NAA15: variants seen among roughly 807,000 people sequenced by gnomAD.
The protein encoded by NAA15 is N-alpha-acetyltransferase 15, NatA auxiliary subunit.
A neutral mutation model predicts 114.0 loss-of-function variants in NAA15; 34 were observed. The ratio of observed to expected loss-of-function variants is 0.30; its 90% CI spans 0.23 to 0.40. The LOEUF is 0.40. NAA15 is among the 10% of genes least tolerant of loss of function. The probability of loss-of-function intolerance (pLI) is 1.00; values close to 1 mark genes in which losing one functional copy is unlikely to be tolerated. For synonymous variants in NAA15, 340 were observed against 338.0 expected (o/e 1.01, Z -0.06); for missense variants, 658 against 1,004.5 (o/e 0.66, Z 4.66).
At chr4:139,379,756 C>G (rs1195766089) in intron 17 of NAA15, among the ~76,000 whole-genome samples, 1 of 152,162 alleles carries the variant, frequency 6.6e-6, no homozygotes, top group East Asian at 1.9e-4. Context: ...TTGAGAACAT[C>G]ATTTTGGCTG....
intron 14 of NAA15, among the ~76,000 whole-genome samples, chr4:139,366,079 TAAAC>T (rs757913274): frequency 2.6e-5 from 4 of 152,100 alleles, no homozygotes; most frequent in Non-Finnish European, 5.9e-5. Flanking sequence ...AGGAGAAAGA[TAAAC>T]AAATAATGCA....
rs147490591 is a variant in NAA15, at chr4:139,319,049, G to A, written c.55-15125G>A. 1.4e-3 allele frequency among the ~76,000 whole-genome samples: 214 copies of A among 152,148 alleles called. 2 individuals are homozygous for A. Among genetic ancestry groups the A allele is most frequent in the African/African-American group, 4.9e-3 (202 of 41,562 alleles). On this transcript the variant is annotated intron_variant, in intron 1 of 19. Transcript: ENST00000296543. The stretch of plus-strand genomic sequence containing the variant: ...TACGCCTGTCATCCCAGCACTTTGG[G>A]AGGCCAAGGCTGGTGGACCAGCTGA...
At chr4:139,378,149 G>A (rs1748641878) in intron 16 of NAA15, among the ~76,000 whole-genome samples, 1 of 152,206 alleles carries the variant, frequency 6.6e-6, no homozygotes, top group African/African-American at 2.4e-5. Flanking sequence ...AAAGAGGTTG[G>A]TTATAGATAA....
At chr4:139,324,032 T>C (rs1165361108) in intron 1 of NAA15, among the ~76,000 whole-genome samples, 1 of 152,120 alleles carries the variant, frequency 6.6e-6, no homozygotes, top group Non-Finnish European at 1.5e-5. Context: ...TACAGGTATG[T>C]ACCACCAGGC....
At chr4:139,345,846 G>A (rs1342261313) in intron 6 of NAA15, among the ~76,000 whole-genome samples, 7 of 152,220 alleles carry the variant, frequency 4.6e-5, no homozygotes, top group South Asian at 4.2e-4. Context: ...GCGTGAACCT[G>A]GGAGGCGGAG....
Position 139,342,895 on chromosome 4 carries a change from T to A in NAA15, c.472T>A (p.Tyr158Asn). The change falls in exon 5 of 20, where the codon TAC (tyrosine) becomes AAC (asparagine). Residue 158 changes from tyrosine to asparagine, a missense_variant. Coordinates refer to ENST00000296543, the MANE Select transcript of NAA15 (RefSeq NM_057175.5). ...ATCATGGATTGGTTATGCTATTGCT[T>A]ACCATTTATTAGAAGATTATGAAAT... ...RASWIGYAIA[Y>N]HLLEDYEMAA... 6.2e-7 allele frequency: 1 copy of A among 1,612,292 alleles called. No homozygotes were observed. The highest frequency in any genetic ancestry group is 8.5e-7 in the Non-Finnish European group (1 of 1,178,342).
chr4:139,387,831 C>A, intron 19 of NAA15, 53 bp from the exon 20 acceptor site: 1 of 1,418,074 alleles, frequency 7.1e-7, no homozygotes, highest in Non-Finnish European at 9.8e-7. Context: ...AATAAATTCC[C>A]AGTAAGAACC....
At position 139,341,080 on chromosome 4, in the gene NAA15, T is replaced by C. The variant is rs1170012379; in HGVS notation, c.402+11T>C. 6.7e-7 allele frequency: 1 copy of C among 1,491,308 alleles called. No homozygotes were observed. 92.4% of individuals were successfully genotyped at this position (1,491,308 alleles called of 1,614,324 possible). ...CTTGAGGGTTACAGGGTAAGTAAAA[T>C]AGAGACTTTTTTTTTTAATTCTAAG... On this transcript the variant is annotated intron_variant, in intron 4 of 19. Coordinates refer to ENST00000296543, the MANE Select transcript of NAA15 (RefSeq NM_057175.5).
chr4:139,355,176 A>T (rs985668359), intron 10 of NAA15, among the ~76,000 whole-genome samples: 1 of 152,126 alleles, frequency 6.6e-6, no homozygotes, highest in African/African-American at 2.4e-5. Context: ...ACCACGCCTG[A>T]CAAAAATTAA....
intron 18 of NAA15, among the ~76,000 whole-genome samples, chr4:139,385,287 T>TATATATATATAATATATA (rs1748874333): frequency 1.0e-5 from 1 of 95,786 alleles, no homozygotes; most frequent in African/African-American, 4.0e-5. Context: ...ATATATAATA[T>TATATATATATAATATATA]ATATATATAT....
chr4:139,330,396 G>A (rs1042967115), intron 1 of NAA15, among the ~76,000 whole-genome samples: 3 of 152,182 alleles, frequency 2.0e-5, no homozygotes, highest in South Asian at 2.1e-4. Flanking sequence ...TAGCTCTCAA[G>A]TAACTGCTTC....
intron 15 of NAA15, among the ~76,000 whole-genome samples, chr4:139,372,557 A>T (rs906053479): frequency 6.6e-6 from 1 of 152,080 alleles, no homozygotes; most frequent in African/African-American, 2.4e-5. Context: ...TCCTCAGCTA[A>T]CTTCCTCCAA....
chr4:139,324,424 C>T (rs1296758161), intron 1 of NAA15, among the ~76,000 whole-genome samples: 1 of 152,146 alleles, frequency 6.6e-6, no homozygotes, highest in South Asian at 2.1e-4. Flanking sequence ...TTCAAGAACT[C>T]CCCAAACACA....
chr4:139,304,312 G>C (rs1745931819), intron 1 of NAA15, among the ~76,000 whole-genome samples: 1 of 152,238 alleles, frequency 6.6e-6, no homozygotes, highest in South Asian at 2.1e-4. Context: ...ACTTTACTCA[G>C]TTTTCCCAAC....
At chr4:139,320,726 G>T (rs1746570148) in intron 1 of NAA15, among the ~76,000 whole-genome samples, 1 of 152,066 alleles carries the variant, frequency 6.6e-6, no homozygotes, top group Non-Finnish European at 1.5e-5. Context: ...TCATCATGTT[G>T]GGCAGGCTGG....
chr4:139,313,198 T>C (rs1746276116), intron 1 of NAA15, among the ~76,000 whole-genome samples: 1 of 152,002 alleles, frequency 6.6e-6, no homozygotes, highest in Non-Finnish European at 1.5e-5. Context: ...CTGGCCTTGG[T>C]TGGTTGTCTC....
rs140354629 is a variant in NAA15 at position 139,302,079 on chromosome 4, C to T, written c.54+248C>T. 4.8e-3 allele frequency: 1,953 copies of T among 404,686 alleles called. 68 individuals are homozygous for T. The East Asian group carries it at 0.067, about 14-fold the overall frequency. The allele number at this position is 404,686 out of a possible 1,614,324, so 25.1% of individuals were successfully genotyped here. On this transcript the variant is annotated intron_variant, in intron 1 of 19. Coordinates refer to ENST00000296543, the MANE Select transcript of NAA15 (RefSeq NM_057175.5). ...CCCTGGTTCCGGACTAGGCCCCGAC[C>T]TCCCGGCTTCTAGACTGCCGGTTCT... is the stretch of plus-strand genomic sequence containing the variant.
At chr4:139,341,097 A>C in intron 4 of NAA15, 28 bp downstream of exon 4, 1 of 1,403,358 alleles carries the variant, frequency 7.1e-7, no homozygotes, top group Admixed American at 2.6e-5. Context: ...TTTTTTTTTT[A>C]ATTCTAAGGG....
chr4:139,302,833 G>A (rs1224555108), intron 1 of NAA15, among the ~76,000 whole-genome samples: 1 of 152,120 alleles, frequency 6.6e-6, no homozygotes, highest in Non-Finnish European at 1.5e-5. Context: ...TGTAGCCTTG[G>A]AGCTATAATT....
Sources: allele counts gnomAD v4.1 joint callset (sites outside exome capture counted in the v4.1 genomes callset), GRCh38; gene constraint gnomAD v4.1.1; transcripts MANE v1.5; gene names NCBI Gene and HGNC (gene_info 2026-07-23, HGNC 2026-07-21).